CARNMT1: variants seen among roughly 807,000 people sequenced by gnomAD.
The protein encoded by CARNMT1 is carnosine N-methyltransferase 1, also known as protein-L-histidine N-pros-methyltransferase CARNMT1.
In CARNMT1, 28 loss-of-function variants were observed where a neutral mutation model predicts 49.6. The observed-to-expected ratio is 0.56, with a 90% CI of 0.42 to 0.77. The LOEUF is 0.77. Among genes scored for constraint, CARNMT1 ranks in the 30% least tolerant of loss-of-function variants. The pLI, the probability that CARNMT1 is intolerant of heterozygous loss-of-function variation, is 0.00. For synonymous variants in CARNMT1, 178 were observed against 175.0 expected, an observed-to-expected ratio of 1.02 and a Z score of -0.13; for missense variants, 421 against 512.6, an observed-to-expected ratio of 0.82 and a Z score of 1.73.
rs1832740853 is a variant in CARNMT1 at position 74,983,540 on chromosome 9, T to C, written c.*227A>G. The C allele has an allele frequency of 2.9e-6, 1 of 346,586 alleles. No homozygotes were observed. Among genetic ancestry groups the C allele is most frequent in the African/African-American group, 2.1e-5 (1 of 47,814 alleles). 21.5% of individuals were successfully genotyped at this position (346,586 alleles called of 1,614,324 possible). A position where few individuals can be genotyped will look rare whatever the true frequency, so the allele number is the denominator to read the frequency against. On this transcript the variant is annotated 3_prime_UTR_variant, in exon 8 of 8. Coordinates refer to ENST00000376834, the MANE Select transcript of CARNMT1 (RefSeq NM_152420.3). ...CAAGGAAAAAGTATACTTCAAGACA[T>C]TTCCTCCATTTTTACTTGTGTAGTA...
chr9:74,986,208 T>C (rs1381749454), intron 6 of CARNMT1, among the ~76,000 whole-genome samples: 1 of 152,158 alleles, frequency 6.6e-6, no homozygotes, highest in Non-Finnish European at 1.5e-5. Flanking sequence ...CCCCATACAA[T>C]GTGCTAATCA....
At chr9:75,003,553 T>A (rs1054622549) in intron 3 of CARNMT1, among the ~76,000 whole-genome samples, 1 of 152,372 alleles carries the variant, frequency 6.6e-6, no homozygotes, top group Middle Eastern at 3.4e-3. Context: ...CAAGAAAACA[T>A]TTGCCAACCC....
At chr9:75,017,509 C>T (rs1375674772) in intron 1 of CARNMT1, 61 bp from the exon 2 acceptor site, 1 of 1,384,532 alleles carries the variant, frequency 7.2e-7, no homozygotes, top group Non-Finnish European at 1.0e-6. Flanking sequence ...GCCAATCTTA[C>T]TTTAAGGTTG....
intron 5 of CARNMT1, 96 bp downstream of exon 5, chr9:74,998,502 T>C (rs1833261240): frequency 6.9e-6 from 7 of 1,019,044 alleles, no homozygotes; most frequent in Non-Finnish European, 8.2e-6. Context: ...TGTTCTACCA[T>C]CAAAATGAAT....
intron 1 of CARNMT1, 91 bp downstream of exon 1, chr9:75,027,921 G>C (rs925228134): frequency 1.5e-6 from 2 of 1,353,500 alleles, no homozygotes; most frequent in African/African-American, 3.1e-5. Context: ...AGGCGTGGCG[G>C]CGGGACGGCG....
rs1832713517 is a variant in CARNMT1 at position 74,982,418 on chromosome 9, A to G, written c.*1349T>C. The G allele has an allele frequency of 6.6e-6, 1 of 152,226 alleles. No individual in the cohort carries two copies. Among genetic ancestry groups the G allele is most frequent in the African/African-American group, 2.4e-5 (1 of 41,448 alleles). The allele number at this position is 152,226 out of a possible 1,614,324, so 9.4% of individuals were successfully genotyped here. On this transcript the variant is annotated 3_prime_UTR_variant, in exon 8 of 8. Coordinates refer to ENST00000376834, the MANE Select transcript of CARNMT1 (RefSeq NM_152420.3). ...TACTTTCCAAGCTACTGGAAACAGA[A>G]TATCATACATTAAAAAATACAAAGG...
At chr9:75,019,827 T>C (rs552661191) in intron 1 of CARNMT1, among the ~76,000 whole-genome samples, 1 of 152,310 alleles carries the variant, frequency 6.6e-6, no homozygotes, top group African/African-American at 2.4e-5. Context: ...TTTGTCAGGG[T>C]TGTTTGAGAT....
At chr9:75,023,613 A>T (rs796421498) in intron 1 of CARNMT1, among the ~76,000 whole-genome samples, 22 of 152,344 alleles carry the variant, frequency 1.4e-4, no homozygotes, top group African/African-American at 5.3e-4. Flanking sequence ...ACTAAAGTTG[A>T]GAATATAGTC....
In CARNMT1 at chr9:75,017,447, T is replaced by C; in HGVS notation, c.232A>G (p.Thr78Ala). The change falls in exon 2 of 8, where the codon ACC (threonine) becomes GCC (alanine). Residue 78 changes from threonine to alanine, a missense_variant and splice_region_variant. Thr to Ala is a moderately conservative substitution (Grantham distance 58). Coordinates refer to ENST00000376834, the MANE Select transcript of CARNMT1 (RefSeq NM_152420.3). The part of the protein sequence containing the change: ...KIINAFRYYG[T>A]SMHERVNRTE... ...CGGTTCACCCGCTCATGCATACTGG[T>C]GCTAAAACATAAAAGGTGTTTTTTA... 1 of 1,610,632 alleles carries C rather than the reference T, an allele frequency of 6.2e-7. No individual in the cohort carries two copies. Among genetic ancestry groups the C allele is most frequent in the Non-Finnish European group, 8.5e-7 (1 of 1,178,356 alleles).
At chr9:75,027,125 T>C in intron 1 of CARNMT1, 1 of 1,300,408 alleles carries the variant, frequency 7.7e-7, no homozygotes, top group Non-Finnish European at 1.0e-6. Context: ...CTCATATCTC[T>C]TACGTGAATA....
At chr9:75,001,038 A>T (rs1833337103) in intron 3 of CARNMT1, among the ~76,000 whole-genome samples, 1 of 152,212 alleles carries the variant, frequency 6.6e-6, no homozygotes, top group East Asian at 1.9e-4. Flanking sequence ...ACTCTGGAGA[A>T]TTACCTTTCT....
chr9:74,998,811 A>G (rs1382672464), intron 4 of CARNMT1, 35 bp from the exon 5 acceptor site: 1 of 1,338,004 alleles, frequency 7.5e-7, no homozygotes, highest in African/African-American at 1.5e-5. Flanking sequence ...GGTGTTAACT[A>G]AATATTTTAC....
intron 6 of CARNMT1, among the ~76,000 whole-genome samples, chr9:74,990,486 A>ATGTG (rs1175504398): frequency 2.6e-5 from 4 of 152,118 alleles, no homozygotes; most frequent in African/African-American, 9.7e-5. Flanking sequence ...GTGTGTATGT[A>ATGTG]TGTGTGTGTG....
chr9:74,991,147 T>G (rs1832998156), intron 6 of CARNMT1: 1 of 152,176 alleles, frequency 6.6e-6, no homozygotes, highest in Non-Finnish European at 1.5e-5. Flanking sequence ...AAGTTTTTTT[T>G]TCTTTTTTTT....
At chr9:74,993,489 A>G (rs1833094002) in intron 6 of CARNMT1, among the ~76,000 whole-genome samples, 1 of 152,178 alleles carries the variant, frequency 6.6e-6, no homozygotes, top group Admixed American at 6.5e-5. Context: ...TAGGAAGGTC[A>G]CTGATGATTA....
intron 1 of CARNMT1, among the ~76,000 whole-genome samples, chr9:75,024,249 T>C (rs1822457928): frequency 6.6e-6 from 1 of 152,198 alleles, no homozygotes; most frequent in Non-Finnish European, 1.5e-5. Flanking sequence ...ATTAAATACC[T>C]AACATTAAAT....
chr9:74,996,591 G>A (rs200917542), intron 5 of CARNMT1, 31 bp from the exon 6 acceptor site: 1 of 1,256,826 alleles, frequency 8.0e-7, no homozygotes, highest in Admixed American at 2.3e-5. Context: ...TACTGCATCT[G>A]TTATGTTATT....
At chr9:75,015,130 G>C (rs1833808804) in intron 3 of CARNMT1, among the ~76,000 whole-genome samples, 1 of 152,158 alleles carries the variant, frequency 6.6e-6, no homozygotes, top group Non-Finnish European at 1.5e-5. Flanking sequence ...TCTGTGGATA[G>C]AATTCACTGA....
rs930891730 is a variant in CARNMT1 at position 75,012,690 on chromosome 9, C to T, written c.590+3578G>A. Among the ~76,000 whole-genome samples, 37 of 152,000 alleles carry T rather than the reference C, an allele frequency of 2.4e-4. 2 individuals are homozygous for T. The highest frequency in any genetic ancestry group is 1.4e-3 in the Admixed American group (22 of 15,262). On this transcript the variant is annotated intron_variant, in intron 3 of 7. Transcript: ENST00000376834. Reference sequence around the variant, plus strand: ...TTGACAGTGGGTTACAGAGTTTGCACGGCAAAGTTCAAGTTGTTACACTGT... The same window carrying T: ...TTGACAGTGGGTTACAGAGTTTGCATGGCAAAGTTCAAGTTGTTACACTGT...
Sources: gnomAD v4.1 joint callset for allele counts (sites outside exome capture counted in the v4.1 genomes callset) on GRCh38, gnomAD v4.1.1 for gene constraint, MANE v1.5 for transcripts, NCBI Gene and HGNC (gene_info 2026-07-23, HGNC 2026-07-21) for gene names.